The following TG variants were observed in gnomAD, a reference collection of about 807,000 sequenced individuals.
The protein encoded by TG is thyroid hormones.
TG carries 270 observed loss-of-function variants against 324.7 expected under a neutral mutation model. The observed-to-expected ratio is 0.83, with a 90% CI of 0.75 to 0.92. The LOEUF (loss-of-function observed/expected upper bound fraction) is 0.92, where lower values mean the gene tolerates loss of function less well. TG is among the 40% of genes least tolerant of loss of function. The pLI is 0.00. For synonymous variants in TG, 1,401 were observed against 1,327.0 expected (o/e 1.06, Z -1.21); for missense variants, 3,591 against 3,456.4 (o/e 1.04, Z -0.98).
intron 42 of TG, among the ~76,000 whole-genome samples, 190 bp downstream of exon 42, chr8:133,095,398 A>G (rs774014292): frequency 6.6e-6 from 1 of 151,938 alleles, no homozygotes; most frequent in Non-Finnish European, 1.5e-5. Flanking sequence ...CAGTCCAAAC[A>G]TGGGCACTGA....
At chr8:133,056,620 T>C (rs1456989268) in intron 41 of TG, among the ~76,000 whole-genome samples, 1 of 152,184 alleles carries the variant, frequency 6.6e-6, no homozygotes, top group South Asian at 2.1e-4. Flanking sequence ...TTAAGCTTCT[T>C]GTACCTCAGA....
intron 43 of TG, chr8:133,102,288 G>A (rs1044233983): frequency 2.9e-5 from 12 of 413,212 alleles, no homozygotes; most frequent in African/African-American, 2.4e-4. Context: ...CGCTGCATAA[G>A]TATCAGCTGG....
At chr8:132,961,506 TG>T (rs1296761973) in intron 28 of TG, among the ~76,000 whole-genome samples, 1 of 152,178 alleles carries the variant, frequency 6.6e-6, no homozygotes, top group African/African-American at 2.4e-5. Flanking sequence ...AATGCTACTC[TG>T]GGTGTGTGGG....
At chr8:133,103,258 AC>A in intron 43 of TG, among the ~76,000 whole-genome samples, 1 of 152,300 alleles carries the variant, frequency 6.6e-6, no homozygotes, top group African/African-American at 2.4e-5. Flanking sequence ...AGTGAGAGCC[AC>A]CCTGTCTGTC....
At chr8:133,040,385 TC>T (rs1837995227) in intron 41 of TG, 6 of 449,444 alleles carry the variant, frequency 1.3e-5, no homozygotes, top group Non-Finnish European at 2.0e-5. Flanking sequence ...AGATCCAGTA[TC>T]AACCAAGCTT....
At chr8:132,983,089 T>C (rs1831084477) in intron 34 of TG, among the ~76,000 whole-genome samples, 3 of 152,248 alleles carry the variant, frequency 2.0e-5, no homozygotes, top group Non-Finnish European at 4.4e-5. Context: ...GACGATAACA[T>C]AGAGCAAAGC....
chr8:132,981,608 G>A lies in TG; in HGVS notation c.6200-1742G>A, dbSNP rs1426359525. 2.0e-5 allele frequency among the ~76,000 whole-genome samples: 3 copies of A among 152,326 alleles called. No individual in the cohort carries two copies. In the East Asian group the frequency reaches 5.8e-4, roughly 29 times the overall value. ...GAGTTATATTAGGAGCTCCCAGAAC[G>A]TGAGATGACAGAAGCCTTGGCTCAG... is the stretch of plus-strand genomic sequence containing the variant. On this transcript the variant is annotated intron_variant, in intron 34 of 47. Coordinates refer to ENST00000220616, the MANE Select transcript of TG (RefSeq NM_003235.5).
intron 30 of TG, among the ~76,000 whole-genome samples, chr8:132,967,183 ATCCATGTATCCATC>A (rs1828723028): frequency 6.8e-6 from 1 of 147,502 alleles, no homozygotes; most frequent in African/African-American, 2.5e-5. Context: ...CCATCCATGT[ATCCATGTATCCATC>A]CCATCCAACC....
chr8:132,878,790 AACGACC>A (rs1814230334), intron 5 of TG, among the ~76,000 whole-genome samples: 1 of 151,994 alleles, frequency 6.6e-6, no homozygotes, highest in African/African-American at 2.4e-5. Context: ...GAGGCATGCA[AACGACC>A]CTTCTAGATA....
intron 43 of TG, among the ~76,000 whole-genome samples, chr8:133,104,225 G>C (rs998868444): frequency 1.3e-5 from 2 of 152,344 alleles, no homozygotes; most frequent in East Asian, 1.9e-4. Flanking sequence ...AAGAAGACCA[G>C]TTATGAGATC....
At chr8:132,976,237 C>A (rs1224448399) in intron 34 of TG, among the ~76,000 whole-genome samples, 1 of 152,146 alleles carries the variant, frequency 6.6e-6, no homozygotes, top group Non-Finnish European at 1.5e-5. Context: ...TATTGGCTCT[C>A]AGTTCTGGAG....
At position 132,893,842 on chromosome 8, in the gene TG, C is replaced by A. The variant is rs1382489496; in HGVS notation, c.2914C>A (p.Leu972Ile). 6 of 1,613,986 alleles carry A rather than the reference C, an allele frequency of 3.7e-6. No individual in the cohort carries two copies. Among genetic ancestry groups the A allele is most frequent in the Non-Finnish European group, 4.2e-6 (5 of 1,179,940 alleles). Residue 972 changes from leucine (L) to isoleucine (I), a missense_variant, in exon 11 of 48, where the codon CTT becomes ATT. Leu to Ile is a conservative substitution (Grantham distance 5). Transcript: ENST00000220616. Reference sequence around the variant, plus strand: ...CCGGCTGAGGAATGAGGACCTCGGCCTTCCTCCGCTCTTCCCGCCCCGGGA... The same window carrying A: ...CCGGCTGAGGAATGAGGACCTCGGCATTCCTCCGCTCTTCCCGCCCCGGGA... ...GIRLRNEDLG[L>I]PPLFPPREAF... is the part of the protein sequence containing the mutation.
At chr8:133,078,303 G>A (rs1845208196) in intron 41 of TG, among the ~76,000 whole-genome samples, 1 of 152,168 alleles carries the variant, frequency 6.6e-6, no homozygotes, top group African/African-American at 2.4e-5. Flanking sequence ...CAAGAACTGG[G>A]GTGGGAGCAT....
In TG at chr8:132,897,714, C is replaced by G. The variant is rs114452431; in HGVS notation, c.3067C>G (p.Arg1023Gly). ...CTCGGCTGGAGCATCCGCCCTTCTGCGGTCGGGCCCCTACATGCCACAGTG... is the reference window on the plus strand; with the variant it reads ...CTCGGCTGGAGCATCCGCCCTTCTGGGGTCGGGCCCCTACATGCCACAGTG... The part of the protein sequence containing the change: ...DDSAGASALL[R>G]SGPYMPQCDA... The change falls in exon 12 of 48, where the codon CGG becomes GGG. Residue 1023 changes from arginine (R) to glycine (G), a missense_variant. Coordinates refer to ENST00000220616, the MANE Select transcript of TG (RefSeq NM_003235.5). The G allele has an allele frequency of 2.0e-5, 33 of 1,614,096 alleles. No homozygotes were observed. Among genetic ancestry groups the G allele is most frequent in the Non-Finnish European group, 2.7e-5 (32 of 1,180,042 alleles).
At position 133,013,832 on chromosome 8, in the gene TG, A is replaced by G. The variant is rs919280417; in HGVS notation, c.6562+68A>G. 3 of 1,554,908 alleles carry G rather than the reference A, an allele frequency of 1.9e-6. No individual in the cohort carries two copies. The Admixed American group carries it at 5.6e-5, about 29-fold the overall frequency. The stretch of plus-strand genomic sequence containing the variant: ...GGTCTGGGGAAGGGACTATTTAAAC[A>G]CTTGGTGAGTTGGAGGACAGTGGCT... On this transcript the variant is annotated intron_variant, in intron 37 of 47. Transcript: ENST00000220616.
At chr8:133,132,060 C>A (rs1851986103) in intron 46 of TG, 114 bp downstream of exon 46, 1 of 1,492,352 alleles carries the variant, frequency 6.7e-7, no homozygotes, top group Non-Finnish European at 9.3e-7. Flanking sequence ...CCTCCGTAGA[C>A]ACTATAATCA....
intron 40 of TG, among the ~76,000 whole-genome samples, chr8:133,027,833 A>G (rs2130976798): frequency 6.6e-6 from 1 of 152,320 alleles, no homozygotes; most frequent in Non-Finnish European, 1.5e-5. Context: ...ATTCCCTCTA[A>G]AGTTTCAGTT....
intron 41 of TG, among the ~76,000 whole-genome samples, chr8:133,070,258 G>A (rs957185342): frequency 6.6e-6 from 1 of 151,954 alleles, no homozygotes; most frequent in African/African-American, 2.4e-5. Context: ...TGTGTGGAGC[G>A]GTCTCATAAG....
At chr8:133,062,041 A>G (rs1301507002) in intron 41 of TG, among the ~76,000 whole-genome samples, 1 of 152,252 alleles carries the variant, frequency 6.6e-6, no homozygotes, top group Non-Finnish European at 1.5e-5. Context: ...CAGGCTCGCA[A>G]AAGCTATAAA....
Sources: allele counts gnomAD v4.1 joint callset (sites outside exome capture counted in the v4.1 genomes callset), GRCh38; gene constraint gnomAD v4.1.1; transcripts MANE v1.5; gene names NCBI Gene and HGNC (gene_info 2026-07-23, HGNC 2026-07-21).